Variants in PPP1R9A observed in about 807,000 individuals in gnomAD.
PPP1R9A encodes neurabin-1.
Under a neutral mutation model 141.9 loss-of-function variants are expected in PPP1R9A, and 59 were observed. The observed-to-expected ratio is 0.42, with a 90% CI of 0.34 to 0.52. PPP1R9A has a LOEUF of 0.52. Among genes scored for constraint, PPP1R9A ranks in the 20% least tolerant of loss-of-function variants. PPP1R9A has a pLI of 0.10. For missense variants in PPP1R9A, 1,444 were observed against 1,611.9 expected (o/e 0.90, Z 1.78); for synonymous variants, 500 against 569.7 (o/e 0.88, Z 1.74).
At chr7:95,179,775 C>T (rs1285182406) in intron 5 of PPP1R9A, among the ~76,000 whole-genome samples, 1 of 45,866 alleles carries the variant, frequency 2.2e-5, no homozygotes, top group Non-Finnish European at 4.3e-5. Context: ...TTTACAATAG[C>T]TGCAAAAAAA....
In PPP1R9A at chr7:94,910,653, C is replaced by T; in HGVS notation, c.540C>T (p.Ser180=). ...AGGATGAATGGGGAGGTTCCAAGTC[C>T]AACAGAGGCAGTACTGATTCCTTGG... The part of the protein sequence containing the change: ...EPQDEWGGSK[S]NRGSTDSLDS... The change falls in exon 2 of 20, where the codon TCC becomes TCT. Residue 180 remains serine (S), a synonymous_variant. Transcript: ENST00000433360. This position sits in a 1 kb window ranked among gnomAD's most constrained non-coding sequence, Gnocchi z 4.5. The T allele has an allele frequency of 6.2e-7, 1 of 1,614,110 alleles. No homozygotes were observed. The highest frequency in any genetic ancestry group is 1.1e-5 in the South Asian group (1 of 91,076).
chr7:94,938,136 T>C (rs2150916561), intron 2 of PPP1R9A, among the ~76,000 whole-genome samples: 1 of 152,216 alleles, frequency 6.6e-6, no homozygotes, highest in Non-Finnish European at 1.5e-5. Flanking sequence ...AGGTGAGTGG[T>C]GGGTGAGTGA....
At chr7:95,023,942 C>T (rs1181791226) in intron 2 of PPP1R9A, among the ~76,000 whole-genome samples, 8 of 152,272 alleles carry the variant, frequency 5.3e-5, no homozygotes, top group South Asian at 2.1e-4. Flanking sequence ...AAGTTTCTCT[C>T]GAAACACTGC....
intron 5 of PPP1R9A, among the ~76,000 whole-genome samples, chr7:95,191,054 A>G (rs1012428778): frequency 5.9e-5 from 9 of 152,252 alleles, no homozygotes; most frequent in Admixed American, 1.3e-4. Context: ...CTCGTCATTT[A>G]CATGGAACAT....
At chr7:94,925,451 C>G (rs1470853270) in intron 2 of PPP1R9A, among the ~76,000 whole-genome samples, 1 of 152,044 alleles carries the variant, frequency 6.6e-6, no homozygotes, top group Admixed American at 6.5e-5. Flanking sequence ...GAAGCTGTTT[C>G]GGGGAGGAAA....
chr7:95,008,623 G>A (rs1327041318), intron 2 of PPP1R9A, among the ~76,000 whole-genome samples: 1 of 152,112 alleles, frequency 6.6e-6, no homozygotes, highest in Middle Eastern at 3.2e-3. Context: ...AAGCTTCACT[G>A]TTGTCCTCTG....
chr7:95,294,662 A>T lies in PPP1R9A; in HGVS notation c.*4359A>T, dbSNP rs1316788565. On this transcript the variant is annotated 3_prime_UTR_variant, in exon 20 of 20. Coordinates refer to ENST00000433360, the MANE Select transcript of PPP1R9A (RefSeq NM_001166160.2). ...CTTGGTCCAAAACACTGGAGAAAAA[A>T]ATAACACCAGACAAAACACATTTGA... The T allele has an allele frequency of 6.6e-6, 1 of 152,224 alleles. No individual in the cohort carries two copies. Among genetic ancestry groups the T allele is most frequent in the African/African-American group, 2.4e-5 (1 of 41,456 alleles). 9.4% of individuals were successfully genotyped at this position (152,224 alleles called of 1,614,324 possible).
chr7:94,913,670 C>A (rs181335523), intron 2 of PPP1R9A, among the ~76,000 whole-genome samples: 13 of 152,158 alleles, frequency 8.5e-5, no homozygotes, highest in Non-Finnish European at 1.2e-4. Flanking sequence ...GAGCTGCTTT[C>A]TACTGGTCAT....
chr7:95,162,845 T>C (rs1342952370), intron 5 of PPP1R9A, among the ~76,000 whole-genome samples: 2 of 152,224 alleles, frequency 1.3e-5, no homozygotes, highest in African/African-American at 4.8e-5. Context: ...TTTTAGACTT[T>C]AGGCTTTTTC....
At chr7:95,011,455 T>C (rs919515680) in intron 2 of PPP1R9A, among the ~76,000 whole-genome samples, 1 of 152,208 alleles carries the variant, frequency 6.6e-6, no homozygotes. Flanking sequence ...AAGATAATGT[T>C]TCAAAAGTAA....
chr7:94,974,654 AC>A (rs1799231672), intron 2 of PPP1R9A, among the ~76,000 whole-genome samples: 1 of 152,190 alleles, frequency 6.6e-6, no homozygotes, highest in Admixed American at 6.5e-5. Context: ...TTCTAAAAAA[AC>A]ATTGACGCTT....
chr7:95,065,014 T>C lies in PPP1R9A; in HGVS notation c.1396-46245T>C, dbSNP rs143936830. Among the ~76,000 whole-genome samples, 80 of 152,320 alleles carry C rather than the reference T, an allele frequency of 5.3e-4. 2 individuals carry two copies. In the East Asian group the frequency reaches 0.014, roughly 28 times the overall value. On this transcript the variant is annotated intron_variant, in intron 2 of 19. Coordinates refer to ENST00000433360, the MANE Select transcript of PPP1R9A (RefSeq NM_001166160.2). ...AGTAAGTGACTTACCACTGTTGACCTGCCTAATATGTTGTGGAAATGAAAC... is the reference window on the plus strand; with the variant it reads ...AGTAAGTGACTTACCACTGTTGACCCGCCTAATATGTTGTGGAAATGAAAC...
chr7:95,019,094 A>G (rs1450772818), intron 2 of PPP1R9A, among the ~76,000 whole-genome samples: 1 of 152,174 alleles, frequency 6.6e-6, no homozygotes, highest in Non-Finnish European at 1.5e-5. Context: ...ACTTAAAACC[A>G]TACTACTTAG....
chr7:95,157,449 T>C (rs964602424), intron 4 of PPP1R9A, among the ~76,000 whole-genome samples: 4 of 152,068 alleles, frequency 2.6e-5, no homozygotes, highest in Non-Finnish European at 2.9e-5. Context: ...GAGGCCCAGG[T>C]CTGCAGCTGC....
At chr7:94,952,908 G>T (rs1796638226) in intron 2 of PPP1R9A, among the ~76,000 whole-genome samples, 1 of 152,052 alleles carries the variant, frequency 6.6e-6, no homozygotes. Flanking sequence ...TCTGTAGGTT[G>T]CCTGTTCACT....
rs934360779 is a variant in PPP1R9A at position 95,186,043 on chromosome 7, T to C, written c.1755-12306T>C. On this transcript the variant is annotated intron_variant, in intron 5 of 19. Coordinates refer to ENST00000433360, the MANE Select transcript of PPP1R9A (RefSeq NM_001166160.2). ...TTCCATAGAAATTTTTAGGATTTTT[T>C]TTTTCTAGTTCTGTGAAGAATGATG... 6.6e-5 allele frequency among the ~76,000 whole-genome samples: 10 copies of C among 152,278 alleles called. No individual in the cohort carries two copies. The East Asian group carries it at 1.9e-3, about 29-fold the overall frequency.
At chr7:95,251,719 A>T in intron 10 of PPP1R9A, 43 bp from the exon 11 acceptor site, 1 of 1,543,164 alleles carries the variant, frequency 6.5e-7, no homozygotes. Flanking sequence ...ACTTTCATTT[A>T]TTGAGTGTAT....
At chr7:95,172,649 A>G (rs1334483313) in intron 5 of PPP1R9A, among the ~76,000 whole-genome samples, 3 of 151,920 alleles carry the variant, frequency 2.0e-5, no homozygotes, top group African/African-American at 4.8e-5. Context: ...AAATGAGGGA[A>G]GAAGTAGACC....
intron 5 of PPP1R9A, among the ~76,000 whole-genome samples, chr7:95,168,205 A>G (rs1165447773): frequency 6.6e-6 from 1 of 152,200 alleles, no homozygotes; most frequent in Non-Finnish European, 1.5e-5. Flanking sequence ...ACACAGACCA[A>G]TAAAACAGAA....
Sources: allele counts gnomAD v4.1 joint callset (sites outside exome capture counted in the v4.1 genomes callset), GRCh38; gene constraint gnomAD v4.1.1; non-coding constraint Gnocchi (gnomAD v3.1); transcripts MANE v1.5; gene names NCBI Gene and HGNC (gene_info 2026-07-23, HGNC 2026-07-21).